Variants in CAST observed in about 807,000 individuals in gnomAD.
CAST encodes the protein MIR583 host.
In CAST, 76 loss-of-function variants were observed where a neutral mutation model predicts 119.6. The observed-to-expected ratio is 0.64, with a 90% confidence interval of 0.53 to 0.77. The LOEUF (loss-of-function observed/expected upper bound fraction) is 0.77. Among genes scored for constraint, CAST ranks in the 30% least tolerant of loss-of-function variants. The pLI is 0.00. For missense variants in CAST, 953 were observed against 946.5 expected (o/e 1.01, Z -0.09); for synonymous variants, 319 against 331.6 (o/e 0.96, Z 0.41).
chr5:96,166,353 C>A, the CAST span, among the ~76,000 whole-genome samples: 2 of 152,026 alleles, frequency 1.3e-5, no homozygotes, highest in Non-Finnish European at 2.9e-5. Flanking sequence ...AAGTATTTAA[C>A]AACAGGTTTG....
At chr5:96,326,695 A>ATTT in the CAST span, among the ~76,000 whole-genome samples, 65 of 95,738 alleles carry the variant, frequency 6.8e-4, no homozygotes, top group Admixed American at 8.2e-4. Flanking sequence ...ATGGCTTTTC[A>ATTT]TTTTTTTTTT....
chr5:96,485,581 A>C, the CAST span, among the ~76,000 whole-genome samples: 16 of 152,274 alleles, frequency 1.1e-4, no homozygotes, highest in East Asian at 3.1e-3. Flanking sequence ...GAGACACCCA[A>C]ATATGAATAG....
At chr5:96,629,985 G>A (rs1747795422) in intron 1 of CAST, among the ~76,000 whole-genome samples, 1 of 152,206 alleles carries the variant, frequency 6.6e-6, no homozygotes, top group Non-Finnish European at 1.5e-5. Context: ...TACAGAACAA[G>A]GCAATTCCAG....
intron 1 of CAST, among the ~76,000 whole-genome samples, chr5:96,664,173 A>T (rs1055425329): frequency 6.6e-6 from 1 of 152,142 alleles, no homozygotes; most frequent in Non-Finnish European, 1.5e-5. Flanking sequence ...TTTATTGATC[A>T]TCTATTATGT....
At chr5:96,586,862 G>A (rs966882814) in intron 1 of CAST, among the ~76,000 whole-genome samples, 1 of 152,190 alleles carries the variant, frequency 6.6e-6, no homozygotes, top group African/African-American at 2.4e-5. Context: ...CAGGCACTCT[G>A]TTAAGCCCTC....
At chr5:96,457,294 A>G in the CAST span, among the ~76,000 whole-genome samples, 1 of 152,056 alleles carries the variant, frequency 6.6e-6, no homozygotes, top group Non-Finnish European at 1.5e-5. Context: ...AAACTACCGA[A>G]ACAACACTTT....
the CAST span, among the ~76,000 whole-genome samples, chr5:96,303,671 A>G: frequency 2.0e-5 from 3 of 150,706 alleles, no homozygotes; most frequent in Admixed American, 2.0e-4. Context: ...TCATTATTCA[A>G]CTCCCATTTA....
At chr5:96,771,551 C>T in intron 30 of CAST, 93 bp from the exon 31 acceptor site, 1 of 847,286 alleles carries the variant, frequency 1.2e-6, no homozygotes, top group South Asian at 1.7e-5. Flanking sequence ...TCCCCACTGA[C>T]TGCCATCTTT....
chr5:95,986,734 T>C, the CAST span, among the ~76,000 whole-genome samples: 2 of 152,242 alleles, frequency 1.3e-5, no homozygotes, highest in African/African-American at 2.4e-5. Context: ...ATTTGATTTC[T>C]TAAAGAGTTA....
the CAST span, among the ~76,000 whole-genome samples, chr5:96,451,533 A>T: frequency 1.3e-5 from 2 of 152,240 alleles, no homozygotes; most frequent in East Asian, 3.8e-4. Context: ...CTAAAACCAT[A>T]AAAACCCTAG....
At chr5:96,452,632 AAGT>A in the CAST span, among the ~76,000 whole-genome samples, 1 of 120,424 alleles carries the variant, frequency 8.3e-6, no homozygotes, top group Non-Finnish European at 1.7e-5. Context: ...CCAGAACTTA[AAGT>A]ATAATAAAAA....
upstream of CAST, chr5:96,525,352 A>G (rs1301781060): frequency 1.3e-5 from 2 of 152,146 alleles, no homozygotes; most frequent in Admixed American, 1.3e-4. Context: ...GAGGCTTCTT[A>G]CAGATTTATA....
the CAST span, among the ~76,000 whole-genome samples, chr5:96,276,452 C>T: frequency 1.3e-5 from 2 of 152,136 alleles, no homozygotes; most frequent in Non-Finnish European, 2.9e-5. Context: ...CTTTCAAACA[C>T]TGAAGCAGGC....
the CAST span, among the ~76,000 whole-genome samples, chr5:96,183,331 T>C: frequency 6.6e-6 from 1 of 151,634 alleles, no homozygotes; most frequent in Non-Finnish European, 1.5e-5. Context: ...TCCTGGCTAC[T>C]TTATCTGACA....
chr5:96,014,537 GGTTT>G, the CAST span, among the ~76,000 whole-genome samples: 1 of 152,064 alleles, frequency 6.6e-6, no homozygotes, highest in Non-Finnish European at 1.5e-5. Context: ...CAGCACAGTA[GGTTT>G]GTTTACACCA....
At chr5:96,153,407 G>A in the CAST span, among the ~76,000 whole-genome samples, 1 of 152,184 alleles carries the variant, frequency 6.6e-6, no homozygotes, top group African/African-American at 2.4e-5. Flanking sequence ...CCTTGACTAG[G>A]CCCTGTCCTG....
chr5:96,076,311 C>A, the CAST span, among the ~76,000 whole-genome samples: 1 of 152,162 alleles, frequency 6.6e-6, no homozygotes, highest in Admixed American at 6.6e-5. Flanking sequence ...TTGCTCTAAA[C>A]AACATATGAT....
At chr5:96,560,699 A>T (rs1561416759) in intron 1 of CAST, among the ~76,000 whole-genome samples, 1 of 151,974 alleles carries the variant, frequency 6.6e-6, no homozygotes, top group Non-Finnish European at 1.5e-5. Context: ...AAGTCAGGAA[A>T]CAACAGGTGC....
At chr5:96,593,829 C>A (rs563192354) in intron 1 of CAST, among the ~76,000 whole-genome samples, 13 of 152,322 alleles carry the variant, frequency 8.5e-5, no homozygotes, top group African/African-American at 3.1e-4. Flanking sequence ...CAGAGCCTGA[C>A]CACACTGGCA....
Sources: allele counts gnomAD v4.1 joint callset (sites outside exome capture counted in the v4.1 genomes callset), GRCh38; gene constraint gnomAD v4.1.1; transcripts MANE v1.5; gene names NCBI Gene and HGNC (gene_info 2026-07-23, HGNC 2026-07-21).